The following IL1RAPL1 variants were observed in gnomAD, a reference collection of about 807,000 sequenced individuals.
The protein encoded by IL1RAPL1 is interleukin 1 receptor accessory protein like 1.
IL1RAPL1 carries 3 observed loss-of-function variants against 48.4 expected under a neutral mutation model. The ratio of observed to expected loss-of-function variants is 0.06; its 90% CI spans 0.03 to 0.16. IL1RAPL1 has a LOEUF of 0.16. Ranked by LOEUF, IL1RAPL1 falls within the 10% of genes least tolerant of loss-of-function variation. The pLI is 1.00. For missense variants in IL1RAPL1, 349 were observed against 530.6 expected (o/e 0.66, Z 3.36); for synonymous variants, 185 against 187.7 (o/e 0.99, Z 0.12).
intron 1 of IL1RAPL1, among the ~76,000 whole-genome samples, chrX:28,638,747 T>G (rs767700167): frequency 9.0e-6 from 1 of 110,528 alleles, no homozygotes; most frequent in African/African-American, 3.3e-5. Context: ...AGTACCTTAA[T>G]ATTTCATTGG....
At chrX:29,368,342 G>A (rs1389423700) in intron 3 of IL1RAPL1, among the ~76,000 whole-genome samples, 6 of 111,892 alleles carry the variant, frequency 5.4e-5, no homozygotes, top group Non-Finnish European at 9.4e-5. Flanking sequence ...CCTCAGAAAC[G>A]CTTTGATTCA....
chrX:29,381,863 T>TATATAC (rs1370611236), intron 3 of IL1RAPL1, among the ~76,000 whole-genome samples: 1 of 97,168 alleles, frequency 1.0e-5, no homozygotes, highest in African/African-American at 3.9e-5. Flanking sequence ...TATATATATA[T>TATATAC]ACATATACTT....
intron 1 of IL1RAPL1, among the ~76,000 whole-genome samples, chrX:28,735,834 G>GT (rs1935816763): frequency 9.0e-6 from 1 of 110,711 alleles, no homozygotes; most frequent in Admixed American, 9.7e-5. Context: ...ACAAGATAAA[G>GT]TTTCAAACAA....
chrX:28,903,638 T>C (rs1923141063), intron 2 of IL1RAPL1, among the ~76,000 whole-genome samples: 1 of 110,529 alleles, frequency 9.0e-6, no homozygotes, highest in South Asian at 3.8e-4. Flanking sequence ...TAAAAAGAAA[T>C]GATAATAGCT....
At chrX:28,976,574 G>T (rs1925213101) in intron 2 of IL1RAPL1, among the ~76,000 whole-genome samples, 1 of 111,606 alleles carries the variant, frequency 9.0e-6, no homozygotes, top group African/African-American at 3.3e-5. Context: ...TCAAAGTGAA[G>T]TTTCCAAATA....
intron 3 of IL1RAPL1, among the ~76,000 whole-genome samples, chrX:29,354,466 C>T (rs1933275823): frequency 8.9e-6 from 1 of 111,759 alleles, no homozygotes; most frequent in Non-Finnish European, 1.9e-5. Context: ...GGCAAAATCG[C>T]TTGACACAAA....
intron 1 of IL1RAPL1, among the ~76,000 whole-genome samples, chrX:28,777,874 G>A (rs112198505): frequency 0.014 from 1,510 of 111,184 alleles, 33 homozygotes; most frequent in African/African-American, 0.046. Context: ...ACAATGTACA[G>A]GACAGCCCAC....
intron 6 of IL1RAPL1, among the ~76,000 whole-genome samples, chrX:29,673,570 C>G (rs917018634): frequency 3.6e-5 from 4 of 111,768 alleles, no homozygotes; most frequent in African/African-American, 9.7e-5. Context: ...CAATAATATC[C>G]CAAGTCCAAG....
intron 3 of IL1RAPL1, among the ~76,000 whole-genome samples, chrX:29,335,737 C>T (rs991185040): frequency 9.0e-6 from 1 of 111,503 alleles, no homozygotes; most frequent in Non-Finnish European, 1.9e-5. Flanking sequence ...GACCTGAGGC[C>T]TTTGACCTCT....
At position 28,600,644 on chromosome X, in the gene IL1RAPL1, C is replaced by A. The variant is rs182495251; in HGVS notation, c.-25+12597C>A. Among the ~76,000 whole-genome samples the A allele has an allele frequency of 9.2e-4, 102 of 110,891 alleles. 1 individual carries two copies. The highest frequency in any genetic ancestry group is 1.8e-3 in the African/African-American group (56 of 30,501). On this transcript the variant is annotated intron_variant, in intron 1 of 10. Transcript: ENST00000378993. ...GAATATTGAAAGTTGGCGGAAGGCA[C>A]AGACTTGATGAACTGAGTGGTAGTG... is the stretch of plus-strand genomic sequence containing the variant.
chrX:29,693,817 C>CTT (rs751463248), intron 6 of IL1RAPL1, among the ~76,000 whole-genome samples: 13 of 98,929 alleles, frequency 1.3e-4, no homozygotes, highest in African/African-American at 4.7e-4. Context: ...TGATTCATTT[C>CTT]TTTTTTTTTT....
At chrX:28,911,068 G>A (rs903156698) in intron 2 of IL1RAPL1, among the ~76,000 whole-genome samples, 22 of 111,230 alleles carry the variant, frequency 2.0e-4, no homozygotes, top group Admixed American at 1.9e-3. Context: ...TTGAATGAAT[G>A]TTATATTAAA....
chrX:29,657,986 A>G (rs1048864780), intron 5 of IL1RAPL1, among the ~76,000 whole-genome samples: 1 of 110,498 alleles, frequency 9.0e-6, no homozygotes, highest in Non-Finnish European at 1.9e-5. Context: ...TTTTCTCACC[A>G]TTTTTTCTTT....
chrX:28,738,169 CTT>C (rs747811250), intron 1 of IL1RAPL1, among the ~76,000 whole-genome samples: 4,167 of 109,190 alleles, frequency 0.038, 215 homozygotes, highest in African/African-American at 0.13. Context: ...TATCTAATCT[CTT>C]TTTTTAAAAA....
intron 5 of IL1RAPL1, among the ~76,000 whole-genome samples, chrX:29,476,161 A>G (rs1934971176): frequency 9.0e-6 from 1 of 111,320 alleles, no homozygotes; most frequent in African/African-American, 3.3e-5. Flanking sequence ...AAGGTCAAGG[A>G]CTGAACAAGA....
At chrX:29,829,750 T>C (rs1930829792) in intron 6 of IL1RAPL1, among the ~76,000 whole-genome samples, 1 of 112,136 alleles carries the variant, frequency 8.9e-6, no homozygotes, top group Admixed American at 9.5e-5. Flanking sequence ...TACCAAAAAT[T>C]ATATTAATAT....
intron 5 of IL1RAPL1, among the ~76,000 whole-genome samples, chrX:29,595,711 T>C (rs1299400652): frequency 8.9e-6 from 1 of 112,449 alleles, no homozygotes; most frequent in Non-Finnish European, 1.9e-5. Context: ...TGATTATTTC[T>C]TTTGCTGTGC....
chrX:29,284,732 G>A (rs761930629), intron 3 of IL1RAPL1, among the ~76,000 whole-genome samples: 249 of 112,048 alleles, frequency 2.2e-3, no homozygotes, highest in Non-Finnish European at 3.9e-3. Flanking sequence ...GCAACAGAGC[G>A]AGACTCTGTC....
At chrX:28,911,030 A>G (rs1923347579) in intron 2 of IL1RAPL1, among the ~76,000 whole-genome samples, 1 of 111,397 alleles carries the variant, frequency 9.0e-6, no homozygotes, top group Admixed American at 9.6e-5. Flanking sequence ...ATTATTTTTT[A>G]GCAAAGAAAA....
Sources: allele counts gnomAD v4.1 joint callset (sites outside exome capture counted in the v4.1 genomes callset), GRCh38; gene constraint gnomAD v4.1.1; transcripts MANE v1.5; gene names NCBI Gene and HGNC (gene_info 2026-07-23, HGNC 2026-07-21).